PLXNA4: variants seen among roughly 807,000 people sequenced by gnomAD.
PLXNA4 encodes plexin A4.
PLXNA4 carries 44 observed loss-of-function variants against 191.8 expected under a neutral mutation model. That is an observed-to-expected ratio of 0.23 (90% CI 0.18 to 0.29). The LOEUF (loss-of-function observed/expected upper bound fraction) is 0.29, where lower values mean the gene tolerates loss of function less well. Among genes scored for constraint, PLXNA4 ranks in the 10% least tolerant of loss-of-function variants. The pLI is 1.00. For synonymous variants in PLXNA4, 1,082 were observed against 1,009.5 expected (o/e 1.07, Z -1.36); for missense variants, 1,800 against 2,488.8 (o/e 0.72, Z 5.89).
At chr7:132,547,238 G>A (rs992584949) in intron 1 of PLXNA4, among the ~76,000 whole-genome samples, 2 of 152,180 alleles carry the variant, frequency 1.3e-5, no homozygotes, top group African/African-American at 4.8e-5. Flanking sequence ...AATCTGTAAG[G>A]AAGGCATCAT....
chr7:132,132,462 G>A (rs879752273), intron 31 of PLXNA4, among the ~76,000 whole-genome samples: 5,430 of 45,904 alleles, frequency 0.12, 453 homozygotes, highest in Admixed American at 0.22. Context: ...GTTCTGTTCT[G>A]TTCTGCTCTG....
chr7:132,210,189 CA>C (rs1797749664), intron 10 of PLXNA4, among the ~76,000 whole-genome samples: 1 of 152,072 alleles, frequency 6.6e-6, no homozygotes, highest in Non-Finnish European at 1.5e-5. Context: ...AGCATCTGGG[CA>C]CAAAGAAGGG....
chr7:132,395,451 G>T (rs1211951025), intron 3 of PLXNA4, among the ~76,000 whole-genome samples: 1 of 152,210 alleles, frequency 6.6e-6, no homozygotes, highest in Non-Finnish European at 1.5e-5. Context: ...CTGAGAGAGG[G>T]TGTCGGCCAG....
chr7:132,409,210 T>C (rs543606137), intron 3 of PLXNA4, among the ~76,000 whole-genome samples: 1 of 152,222 alleles, frequency 6.6e-6, no homozygotes, highest in Non-Finnish European at 1.5e-5. Context: ...AAATCCAGGT[T>C]AGGGAGGTGG....
intron 1 of PLXNA4, among the ~76,000 whole-genome samples, chr7:132,551,487 T>C (rs533348033): frequency 6.6e-6 from 1 of 152,292 alleles, no homozygotes; most frequent in East Asian, 1.9e-4. Context: ...TTCACAAACC[T>C]TTCATTACAA....
chr7:132,479,215 G>A (rs1226576467), intron 3 of PLXNA4, among the ~76,000 whole-genome samples: 3 of 151,648 alleles, frequency 2.0e-5, no homozygotes, highest in African/African-American at 7.3e-5. Context: ...GCTGTCATGA[G>A]TTAGGATAGC....
intron 1 of PLXNA4, among the ~76,000 whole-genome samples, chr7:132,563,205 C>G (rs1290903207): frequency 1.9e-5 from 2 of 107,608 alleles, no homozygotes; most frequent in African/African-American, 3.5e-5. Context: ...TCCTCTTCCT[C>G]CTCCTCCTCC....
intron 3 of PLXNA4, among the ~76,000 whole-genome samples, chr7:132,395,370 T>G (rs115973522): frequency 0.013 from 1,970 of 152,278 alleles, 17 homozygotes; most frequent in Middle Eastern, 0.037. Flanking sequence ...AAGCACTTTC[T>G]TTAGAGTCTG....
intron 4 of PLXNA4, among the ~76,000 whole-genome samples, chr7:132,267,783 C>A (rs765615187): frequency 6.6e-6 from 1 of 152,096 alleles, no homozygotes; most frequent in African/African-American, 2.4e-5. Flanking sequence ...TGTTGCGAGT[C>A]CTCACCATAA....
chr7:132,255,600 G>A (rs1287967884), intron 4 of PLXNA4, among the ~76,000 whole-genome samples: 1 of 152,186 alleles, frequency 6.6e-6, no homozygotes, highest in African/African-American at 2.4e-5. Context: ...ATATGTAAGT[G>A]CTGGAAAAGG....
intron 3 of PLXNA4, among the ~76,000 whole-genome samples, chr7:132,470,206 C>G (rs1252993190): frequency 6.6e-6 from 1 of 152,152 alleles, no homozygotes; most frequent in African/African-American, 2.4e-5. Flanking sequence ...CAATAAATAT[C>G]CAAGAGGGAG....
chr7:132,137,489 C>T (rs78868077), intron 30 of PLXNA4, among the ~76,000 whole-genome samples: 1,849 of 152,364 alleles, frequency 0.012, 35 homozygotes, highest in African/African-American at 0.042. Flanking sequence ...CACGCCACTT[C>T]ATGGTGATGA....
intron 2 of PLXNA4, among the ~76,000 whole-genome samples, chr7:132,494,022 T>C (rs962178176): frequency 2.6e-5 from 4 of 152,222 alleles, no homozygotes; most frequent in African/African-American, 9.6e-5. Flanking sequence ...ATTTAAAACA[T>C]ATAGAACAAT....
intron 2 of PLXNA4, among the ~76,000 whole-genome samples, chr7:132,496,747 G>A (rs1240664373): frequency 6.6e-6 from 1 of 152,128 alleles, no homozygotes; most frequent in Non-Finnish European, 1.5e-5. Flanking sequence ...GTTAGAGGGT[G>A]GTCCCAAAGA....
intron 1 of PLXNA4, among the ~76,000 whole-genome samples, chr7:132,551,662 G>A (rs1026566250): frequency 1.3e-5 from 2 of 152,064 alleles, no homozygotes; most frequent in Admixed American, 1.3e-4. Context: ...CCCCAATATT[G>A]CAGTGTCTAT....
At chr7:132,458,478 G>A (rs1294574602) in intron 3 of PLXNA4, among the ~76,000 whole-genome samples, 1 of 151,884 alleles carries the variant, frequency 6.6e-6, no homozygotes, top group African/African-American at 2.4e-5. Context: ...ATGCTACACA[G>A]CAATAAGAAT....
At chr7:132,335,081 C>T (rs1161780019) in intron 3 of PLXNA4, among the ~76,000 whole-genome samples, 1 of 152,166 alleles carries the variant, frequency 6.6e-6, no homozygotes, top group South Asian at 2.1e-4. Flanking sequence ...CTTGATACTC[C>T]TTAATCTTTT....
At chr7:132,191,032 C>T (rs537575305) in intron 14 of PLXNA4, among the ~76,000 whole-genome samples, 55 of 152,208 alleles carry the variant, frequency 3.6e-4, no homozygotes, top group African/African-American at 1.3e-3. Flanking sequence ...GGATATGGCT[C>T]GTGCAACCAA....
intron 3 of PLXNA4, among the ~76,000 whole-genome samples, chr7:132,358,791 G>C (rs1803813419): frequency 1.3e-5 from 2 of 152,180 alleles, no homozygotes; most frequent in African/African-American, 4.8e-5. Context: ...GTATCACTGG[G>C]CACAATCTCA....
Sources: gnomAD v4.1 joint callset for allele counts (sites outside exome capture counted in the v4.1 genomes callset) on GRCh38, gnomAD v4.1.1 for gene constraint, MANE v1.5 for transcripts, NCBI Gene and HGNC (gene_info 2026-07-23, HGNC 2026-07-21) for gene names.